PTPRD: variants seen among roughly 807,000 people sequenced by gnomAD.
PTPRD encodes protein tyrosine phosphatase receptor type D.
Under a neutral mutation model 214.5 loss-of-function variants are expected in PTPRD, and 34 were observed. That is an observed-to-expected ratio of 0.16 (90% CI 0.12 to 0.21). The LOEUF is 0.21. Among genes scored for constraint, PTPRD ranks in the 10% least tolerant of loss-of-function variants. The pLI is 1.00. For synonymous variants in PTPRD, 1,128 were observed against 845.7 expected, an observed-to-expected ratio of 1.33 and a Z score of -5.79; for missense variants, 2,545 against 2,398.7, an observed-to-expected ratio of 1.06 and a Z score of -1.27.
At chr9:9,455,269 C>T (rs1451125912) in intron 8 of PTPRD, among the ~76,000 whole-genome samples, 7 of 151,360 alleles carry the variant, frequency 4.6e-5, no homozygotes, top group Non-Finnish European at 7.4e-5. Flanking sequence ...AATTAGGCAC[C>T]TTGCCTCATT....
chr9:9,765,778 T>A (rs1227958681), intron 6 of PTPRD, among the ~76,000 whole-genome samples: 5 of 152,064 alleles, frequency 3.3e-5, no homozygotes, highest in Admixed American at 1.3e-4. Context: ...CTCCTGCCAC[T>A]GCCTCCTGAG....
chr9:9,052,737 G>A (rs964869138), intron 10 of PTPRD, among the ~76,000 whole-genome samples: 13 of 152,318 alleles, frequency 8.5e-5, no homozygotes, highest in African/African-American at 3.1e-4. Context: ...AAGCTGTAAA[G>A]AAGTCACTGA....
chr9:10,232,360 T>A (rs957182831), intron 3 of PTPRD, among the ~76,000 whole-genome samples: 1 of 151,960 alleles, frequency 6.6e-6, no homozygotes, highest in African/African-American at 2.4e-5. Context: ...AAAAAAAGAA[T>A]ATGACAGTAG....
At chr9:9,220,454 T>A (rs1329610481) in intron 9 of PTPRD, among the ~76,000 whole-genome samples, 1 of 152,054 alleles carries the variant, frequency 6.6e-6, no homozygotes, top group Non-Finnish European at 1.5e-5. Flanking sequence ...TATTTGGTCT[T>A]GATAACCTTG....
chr9:8,449,821 C>A lies in PTPRD; in HGVS notation c.3892G>T (p.Asp1298Tyr). 4 of 1,613,814 alleles carry A rather than the reference C, an allele frequency of 2.5e-6. No individual in the cohort carries two copies. The highest frequency in any genetic ancestry group is 3.4e-6 in the Non-Finnish European group (4 of 1,179,860). The change falls in exon 34 of 46, where the codon GAC (aspartate) becomes TAC (tyrosine). Residue 1298 changes from aspartate to tyrosine, a missense_variant. Coordinates refer to ENST00000381196, the MANE Select transcript of PTPRD (RefSeq NM_002839.4). ...TTCGGTATGCTGCTTTTTCTAGAGT[C>A]GGACTCTGCCCTCTTCCTATAGGGG... ...LLYKRKRAES[D>Y]SRKSSIPNNK...
intron 11 of PTPRD, among the ~76,000 whole-genome samples, chr9:8,907,774 A>C (rs191573184): frequency 6.6e-6 from 1 of 152,136 alleles, no homozygotes; most frequent in Non-Finnish European, 1.5e-5. Flanking sequence ...CAGAGAATAA[A>C]AGATTGAAGA....
rs117282581 is a variant in PTPRD, at chr9:9,946,448, C to T, written c.-471-7838G>A. On this transcript the variant is annotated intron_variant, in intron 4 of 45. Transcript: ENST00000381196. Reference sequence around the variant, plus strand: ...TCAAATTAATTAAAAAATAAACTCCCTCTTCAAAGTAGCTGCAAAATAAAC... The same window carrying T: ...TCAAATTAATTAAAAAATAAACTCCTTCTTCAAAGTAGCTGCAAAATAAAC... 7.3e-3 allele frequency among the ~76,000 whole-genome samples: 1,113 copies of T among 152,196 alleles called. 5 individuals carry two copies. The highest frequency in any genetic ancestry group is 0.01 in the Non-Finnish European group (700 of 68,008).
chr9:9,770,989 T>C (rs1381103838), intron 5 of PTPRD, among the ~76,000 whole-genome samples: 1 of 152,148 alleles, frequency 6.6e-6, no homozygotes, highest in African/African-American at 2.4e-5. Flanking sequence ...TTCCTGTGTT[T>C]TGACTACAAT....
At chr9:10,005,101 T>C (rs942496357) in intron 4 of PTPRD, among the ~76,000 whole-genome samples, 1 of 151,606 alleles carries the variant, frequency 6.6e-6, no homozygotes, top group African/African-American at 2.4e-5. Context: ...TCCTATAAGA[T>C]TTTTTTTTGT....
At chr9:9,611,594 C>T (rs545000455) in intron 7 of PTPRD, among the ~76,000 whole-genome samples, 1 of 151,804 alleles carries the variant, frequency 6.6e-6, no homozygotes, top group African/African-American at 2.4e-5. Flanking sequence ...TATTTTCATG[C>T]TAAATAATGT....
chr9:8,859,547 C>A (rs1400030947), intron 11 of PTPRD, among the ~76,000 whole-genome samples: 1 of 152,190 alleles, frequency 6.6e-6, no homozygotes, highest in East Asian at 1.9e-4. Flanking sequence ...CCAGCACATA[C>A]ACACAATACT....
chr9:8,417,326 C>G (rs551307875), intron 35 of PTPRD, among the ~76,000 whole-genome samples: 1 of 152,246 alleles, frequency 6.6e-6, no homozygotes, highest in African/African-American at 2.4e-5. Context: ...AAAACCCTCA[C>G]ACACCATAAA....
At chr9:8,546,679 T>C (rs573705936) in intron 14 of PTPRD, among the ~76,000 whole-genome samples, 2 of 152,062 alleles carry the variant, frequency 1.3e-5, no homozygotes. Context: ...TTTGTATTTT[T>C]AGTAGAGATG....
At chr9:9,835,015 C>A (rs1287588111) in intron 5 of PTPRD, among the ~76,000 whole-genome samples, 2 of 151,872 alleles carry the variant, frequency 1.3e-5, no homozygotes, top group African/African-American at 2.4e-5. Context: ...TACCACCTTC[C>A]TTTATTGTTA....
chr9:9,645,946 A>G (rs1727174229), intron 7 of PTPRD, among the ~76,000 whole-genome samples: 1 of 152,082 alleles, frequency 6.6e-6, no homozygotes, highest in Non-Finnish European at 1.5e-5. Flanking sequence ...TTTTGGGGGT[A>G]CATATGATAT....
intron 4 of PTPRD, among the ~76,000 whole-genome samples, chr9:10,025,080 G>A (rs200735236): frequency 2.2e-4 from 33 of 151,660 alleles, no homozygotes; most frequent in South Asian, 1.7e-3. Context: ...GAATAGTGCC[G>A]CAATAAACAT....
Position 9,470,736 on chromosome 9 carries a change from T to C in PTPRD, c.-236-73254A>G, listed in dbSNP as rs569534416. Among the ~76,000 whole-genome samples, 5 of 152,268 alleles carry C rather than the reference T, an allele frequency of 3.3e-5. No individual in the cohort carries two copies. The East Asian group carries it at 5.8e-4, about 18-fold the overall frequency. On this transcript the variant is annotated intron_variant, in intron 8 of 45. Coordinates refer to ENST00000381196, the MANE Select transcript of PTPRD (RefSeq NM_002839.4). ...ATGGATTGTTTTGGTATTCAGGGGA[T>C]AGGAATTGGAAATCAGTGTAACAAG...
chr9:8,326,147 T>C (rs111930591), intron 44 of PTPRD, among the ~76,000 whole-genome samples: 1,959 of 152,272 alleles, frequency 0.013, 16 homozygotes, highest in East Asian at 0.027. Flanking sequence ...TCTCTTGTGC[T>C]ACTTTTCAAA....
intron 8 of PTPRD, among the ~76,000 whole-genome samples, chr9:9,404,345 G>A (rs1209940106): frequency 6.6e-6 from 1 of 152,028 alleles, no homozygotes; most frequent in East Asian, 1.9e-4. Context: ...AGCTGGTAGT[G>A]GTTTATACTA....
Sources: allele counts gnomAD v4.1 joint callset (sites outside exome capture counted in the v4.1 genomes callset), GRCh38; gene constraint gnomAD v4.1.1; transcripts MANE v1.5; gene names NCBI Gene and HGNC (gene_info 2026-07-23, HGNC 2026-07-21).